Variants in CPEB3 observed in about 807,000 individuals in gnomAD.
CPEB3 encodes cytoplasmic polyadenylation element-binding protein 3.
CPEB3 carries 20 observed loss-of-function variants against 67.2 expected under a neutral mutation model. The ratio of observed to expected loss-of-function variants is 0.30; its 90% confidence interval spans 0.21 to 0.43. The LOEUF is 0.43. CPEB3 is among the 20% of genes least tolerant of loss of function. The pLI is 1.00. For synonymous variants in CPEB3, 376 were observed against 393.1 expected (o/e 0.96, Z 0.51); for missense variants, 746 against 968.6 (o/e 0.77, Z 3.05).
At chr10:92,197,235 T>G (rs1849284815) in intron 2 of CPEB3, among the ~76,000 whole-genome samples, 1 of 152,232 alleles carries the variant, frequency 6.6e-6, no homozygotes, top group Non-Finnish European at 1.5e-5. Context: ...CTCATTAAAA[T>G]TAATTCCATC....
intron 1 of CPEB3, among the ~76,000 whole-genome samples, chr10:92,287,216 C>G (rs1208994870): frequency 6.6e-6 from 1 of 151,828 alleles, no homozygotes; most frequent in African/African-American, 2.4e-5. Flanking sequence ...GCAACCTCCG[C>G]CTCCCAGGTT....
intron 3 of CPEB3, among the ~76,000 whole-genome samples, chr10:92,188,319 GT>G (rs1306154743): frequency 7.9e-5 from 1 of 12,626 alleles, no homozygotes; most frequent in African/African-American, 3.9e-4. Context: ...GTAAGACATA[GT>G]AAAAAAAAAA....
chr10:92,131,879 C>A (rs1845858034), intron 6 of CPEB3, among the ~76,000 whole-genome samples: 1 of 152,236 alleles, frequency 6.6e-6, no homozygotes, highest in Non-Finnish European at 1.5e-5. Context: ...AGTTTGTTGA[C>A]CCTTGTTCTA....
chr10:92,291,130 C>T, upstream of CPEB3: 1 of 376,762 alleles, frequency 2.7e-6, no homozygotes, highest in Non-Finnish European at 4.8e-6. Context: ...GGCCGCCCTG[C>T]GTCGTAACCC....
At chr10:92,217,869 G>C (rs1850507739) in intron 2 of CPEB3, among the ~76,000 whole-genome samples, 1 of 152,216 alleles carries the variant, frequency 6.6e-6, no homozygotes, top group South Asian at 2.1e-4. Context: ...TGTAATTCCA[G>C]GACTTTGTGA....
intron 2 of CPEB3, among the ~76,000 whole-genome samples, chr10:92,195,054 C>CACACAA (rs1849174553): frequency 6.7e-6 from 1 of 149,980 alleles, no homozygotes; most frequent in Non-Finnish European, 1.5e-5. Context: ...AAAACACACA[C>CACACAA]ACACACACAC....
At chr10:92,283,959 C>G (rs973922646) in intron 1 of CPEB3, among the ~76,000 whole-genome samples, 27 of 151,114 alleles carry the variant, frequency 1.8e-4, no homozygotes, top group South Asian at 4.2e-4. Context: ...AACTCCTGAC[C>G]TCAGGTGATC....
chr10:92,120,859 T>C lies in CPEB3; in HGVS notation c.1454-9665A>G, dbSNP rs574912072. ...GGGATTACAGGCAAGTTCCACCACA[T>C]CTGGCTAATTTTTATATTTTTAGTA... is the stretch of plus-strand genomic sequence containing the variant. On this transcript the variant is annotated intron_variant, in intron 6 of 9. Transcript: ENST00000265997. Among the ~76,000 whole-genome samples the C allele has an allele frequency of 2.8e-5, 4 of 145,070 alleles. No homozygotes were observed. The East Asian group carries it at 8.7e-4, about 31-fold the overall frequency.
intron 1 of CPEB3, among the ~76,000 whole-genome samples, 181 bp downstream of exon 1, chr10:92,290,745 A>T (rs1842828014): frequency 1.3e-5 from 2 of 152,146 alleles, no homozygotes; most frequent in Admixed American, 1.3e-4. Flanking sequence ...GGCTGGCTCC[A>T]GCGCCGGGGG....
At chr10:92,067,651 T>C (rs1487910292) in intron 9 of CPEB3, among the ~76,000 whole-genome samples, 1 of 151,750 alleles carries the variant, frequency 6.6e-6, no homozygotes, top group Non-Finnish European at 1.5e-5. Context: ...AAACCCCGTC[T>C]CTACTAAAAA....
chr10:92,211,725 T>C (rs897166603), intron 2 of CPEB3, among the ~76,000 whole-genome samples: 19 of 150,448 alleles, frequency 1.3e-4, no homozygotes, highest in Non-Finnish European at 1.2e-4. Context: ...GTATTTTTAG[T>C]AGAGACCGGG....
chr10:92,053,486 C>T (rs1037780080), intron 9 of CPEB3, among the ~76,000 whole-genome samples: 3 of 151,682 alleles, frequency 2.0e-5, no homozygotes, highest in Non-Finnish European at 2.9e-5. Context: ...GCCTCAGCCT[C>T]GCGAGTAGCT....
chr10:92,148,176 A>C (rs910218067), intron 4 of CPEB3, among the ~76,000 whole-genome samples: 1 of 152,180 alleles, frequency 6.6e-6, no homozygotes, highest in Non-Finnish European at 1.5e-5. Context: ...TTTTGGATAA[A>C]GTACAAAAAC....
chr10:92,100,517 C>T (rs956115701), intron 7 of CPEB3, among the ~76,000 whole-genome samples: 7 of 152,118 alleles, frequency 4.6e-5, no homozygotes, highest in African/African-American at 1.7e-4. Flanking sequence ...CTCAGGTGAT[C>T]CGCCCACCTC....
At chr10:92,079,031 T>C (rs1843040325) in intron 9 of CPEB3, among the ~76,000 whole-genome samples, 4 of 152,142 alleles carry the variant, frequency 2.6e-5, no homozygotes, top group South Asian at 2.1e-4. Context: ...ACCTACTTCC[T>C]GTACAGTCAC....
At chr10:92,289,337 A>C (rs1033650493) in intron 1 of CPEB3, among the ~76,000 whole-genome samples, 6 of 152,116 alleles carry the variant, frequency 3.9e-5, no homozygotes, top group African/African-American at 1.4e-4. Flanking sequence ...CAGAAGTTCG[A>C]GACCAGCCTG....
chr10:92,136,031 G>A (rs571448091), intron 6 of CPEB3, among the ~76,000 whole-genome samples: 5 of 151,928 alleles, frequency 3.3e-5, no homozygotes, highest in African/African-American at 1.2e-4. Context: ...GGCAGGGGGA[G>A]GGATAGCATT....
chr10:92,127,418 G>A (rs534270872), intron 6 of CPEB3, among the ~76,000 whole-genome samples: 4 of 152,308 alleles, frequency 2.6e-5, no homozygotes, highest in East Asian at 1.9e-4. Flanking sequence ...GCTCACGACT[G>A]TAAATCTAGC....
intron 7 of CPEB3, among the ~76,000 whole-genome samples, chr10:92,098,101 C>T (rs995854039): frequency 4.9e-5 from 6 of 123,246 alleles, no homozygotes; most frequent in South Asian, 5.8e-4. Context: ...GTGGATGCTA[C>T]GGTGAGCCAA....
Sources: gnomAD v4.1 joint callset for allele counts (sites outside exome capture counted in the v4.1 genomes callset) on GRCh38, gnomAD v4.1.1 for gene constraint, MANE v1.5 for transcripts, NCBI Gene and HGNC (gene_info 2026-07-23, HGNC 2026-07-21) for gene names.